Variants in PRPF40B observed in about 807,000 individuals in gnomAD.
The protein encoded by PRPF40B is pre-mRNA processing factor 40B.
Under a neutral mutation model 124.5 loss-of-function variants are expected in PRPF40B, and 56 were observed. The observed-to-expected ratio is 0.45, with a 90% CI of 0.36 to 0.56. The LOEUF (loss-of-function observed/expected upper bound fraction) is 0.56, where lower values mean the gene tolerates loss of function less well. Ranked by LOEUF, PRPF40B falls within the 20% of genes least tolerant of loss-of-function variation. The probability of loss-of-function intolerance (pLI) is 0.00; values close to 1 mark genes in which losing one functional copy is unlikely to be tolerated. For synonymous variants in PRPF40B, 443 were observed against 426.4 expected, an observed-to-expected ratio of 1.04 and a Z score of -0.48; for missense variants, 1,053 against 1,169.5, an observed-to-expected ratio of 0.90 and a Z score of 1.45.
intron 1 of PRPF40B, among the ~76,000 whole-genome samples, chr12:49,626,591 T>A (rs1940736531): frequency 6.6e-6 from 1 of 152,182 alleles, no homozygotes; most frequent in Non-Finnish European, 1.5e-5. Flanking sequence ...CTAACAATTC[T>A]GTGCAAAGAG....
chr12:49,632,651 C>CA lies in PRPF40B; in HGVS notation c.322+29dup, dbSNP rs1941336229. 2.5e-6 allele frequency: 4 copies of CA among 1,612,458 alleles called. No individual in the cohort carries two copies. The Admixed American group carries it at 6.7e-5, about 27-fold the overall frequency. ...GAGTCTTCTGGGGGCCTGCTCCCCC[C>CA]AGGCTCGGAGGTTGGGGGGCATAGG... On this transcript the variant is annotated intron_variant, in intron 5 of 25. Transcript: ENST00000548825.
chr12:49,637,659 C>T, intron 17 of PRPF40B, 74 bp from the exon 18 acceptor site: 4 of 1,554,724 alleles, frequency 2.6e-6, no homozygotes, highest in Non-Finnish European at 3.5e-6. Flanking sequence ...CTACTACCGG[C>T]TCCTGTCCTC....
Position 49,633,044 on chromosome 12 carries a change from G to A in PRPF40B, c.379G>A (p.Asp127Asn). 6.9e-7 allele frequency: 1 copy of A among 1,446,806 alleles called. No homozygotes were observed. Among genetic ancestry groups the A allele is most frequent in the South Asian group, 1.1e-5 (1 of 87,486 alleles). 89.6% of individuals were successfully genotyped at this position (1,446,806 alleles called of 1,614,324 possible). ...RALWSEHVAP[D>N]GRIYYYNADD... ...CCTATGGAGTGAGCATGTGGCCCCAGATGGGCGCATCTACTACTACAATGC... is the reference window on the plus strand; with the variant it reads ...CCTATGGAGTGAGCATGTGGCCCCAAATGGGCGCATCTACTACTACAATGC... Residue 127 changes from aspartate (D) to asparagine (N), a missense_variant, in exon 7 of 26, where the codon GAT (aspartate) becomes AAT (asparagine). Coordinates refer to ENST00000548825, the MANE Select transcript of PRPF40B (RefSeq NM_001031698.3).
At chr12:49,632,949 T>C in intron 6 of PRPF40B, 65 bp from the exon 7 acceptor site, 1 of 1,611,082 alleles carries the variant, frequency 6.2e-7, no homozygotes, top group Non-Finnish European at 8.5e-7. Flanking sequence ...GTTAAATCTT[T>C]GGGGTGAGGA....
At position 49,636,105 on chromosome 12, in the gene PRPF40B, T is replaced by G. The variant is rs1380023089; in HGVS notation, c.1426+112T>G. On this transcript the variant is annotated intron_variant, in intron 15 of 25. Transcript: ENST00000548825. ...GTACCTCCTGCCCTCCCGGACACCC[T>G]AGGAGTACTCAACACTCACCCAGTC... is the stretch of plus-strand genomic sequence containing the variant. 6.7e-6 allele frequency: 9 copies of G among 1,351,102 alleles called. No homozygotes were observed. In the African/African-American group the frequency reaches 1.0e-4, roughly 15 times the overall value. 83.7% of individuals were successfully genotyped at this position (1,351,102 alleles called of 1,614,324 possible).
intron 10 of PRPF40B, 74 bp from the exon 11 acceptor site, chr12:49,634,258 G>A: frequency 6.2e-7 from 1 of 1,609,164 alleles, no homozygotes; most frequent in East Asian, 2.2e-5. Context: ...GGGGTGATAT[G>A]TTGCCAGGAG....
At chr12:49,634,222 A>C in intron 10 of PRPF40B, 110 bp from the exon 11 acceptor site, 1 of 1,588,814 alleles carries the variant, frequency 6.3e-7, no homozygotes, top group Non-Finnish European at 8.6e-7. Flanking sequence ...GAAGGGCAGA[A>C]AAAGGCTGCC....
chr12:49,642,066 T>C lies in PRPF40B; in HGVS notation c.1884+42T>C. 6.2e-7 allele frequency: 1 copy of C among 1,606,222 alleles called. No homozygotes were observed. Among genetic ancestry groups the C allele is most frequent in the Non-Finnish European group, 8.5e-7 (1 of 1,175,868 alleles). On this transcript the variant is annotated intron_variant, in intron 19 of 25. Transcript: ENST00000548825. This position sits in a 1 kb window ranked among gnomAD's most constrained non-coding sequence, Gnocchi z 5.8. Reference sequence around the variant, plus strand: ...GGCGTGGGAAGTTCTCTAATTCATCTGTGTCTTGCTCCATTCCTTCTCACT... The same window carrying C: ...GGCGTGGGAAGTTCTCTAATTCATCCGTGTCTTGCTCCATTCCTTCTCACT...
chr12:49,632,249 C>T, intron 4 of PRPF40B: 1 of 578,128 alleles, frequency 1.7e-6, no homozygotes. Context: ...CCAGAAGAGT[C>T]AGTAGCACCT....
intron 1 of PRPF40B, among the ~76,000 whole-genome samples, chr12:49,625,292 A>C (rs1311127018): frequency 6.6e-6 from 1 of 152,238 alleles, no homozygotes; most frequent in African/African-American, 2.4e-5. Flanking sequence ...TTGGAGTCAG[A>C]CTGCTTGGAT....
At chr12:49,625,050 G>A (rs2138373056) in intron 1 of PRPF40B, among the ~76,000 whole-genome samples, 1 of 152,168 alleles carries the variant, frequency 6.6e-6, no homozygotes, top group African/African-American at 2.4e-5. Flanking sequence ...TTTTTTTGAT[G>A]ATGGCTACCA....
Position 49,642,810 on chromosome 12 carries a change from C to T in PRPF40B, c.2119-120C>T. On this transcript the variant is annotated intron_variant, in intron 21 of 25. Transcript: ENST00000548825. This position sits in a 1 kb window ranked among gnomAD's most constrained non-coding sequence, Gnocchi z 5.8. Reference sequence around the variant, plus strand: ...TAAGGAAGGGGAGGCCTGAGGATCCCTGGGATAGGCAGAAGGCTCTAGTCT... The same window carrying T: ...TAAGGAAGGGGAGGCCTGAGGATCCTTGGGATAGGCAGAAGGCTCTAGTCT... The T allele has an allele frequency of 1.4e-6, 2 of 1,428,802 alleles. No homozygotes were observed. The highest frequency in any genetic ancestry group is 1.4e-5 in the African/African-American group (1 of 70,370). 88.5% of individuals were successfully genotyped at this position (1,428,802 alleles called of 1,614,324 possible). A position where few individuals can be genotyped will look rare whatever the true frequency, so the allele number is the denominator to read the frequency against.
intron 1 of PRPF40B, chr12:49,623,815 G>GA: frequency 9.4e-7 from 1 of 1,061,046 alleles, no homozygotes; most frequent in South Asian, 4.6e-5. Flanking sequence ...GGCCGGGGGC[G>GA]AAAGGTGCGA....
At chr12:49,630,857 G>C (rs1018373255) in intron 2 of PRPF40B, among the ~76,000 whole-genome samples, 1 of 152,172 alleles carries the variant, frequency 6.6e-6, no homozygotes, top group East Asian at 1.9e-4. Context: ...ACACACTGGG[G>C]CTAGAGGTAG....
chr12:49,631,427 C>A lies in PRPF40B; in HGVS notation c.111C>A (p.Pro37=). The A allele has an allele frequency of 2.1e-6, 3 of 1,451,522 alleles. No individual in the cohort carries two copies. The highest frequency in any genetic ancestry group is 1.6e-5 in the South Asian group (1 of 64,310). The allele number at this position is 1,451,522 out of a possible 1,614,324, so 89.9% of individuals were successfully genotyped here. Residue 37 remains proline, a synonymous_variant, in exon 3 of 26, where the codon CCC becomes CCA. Transcript: ENST00000548825. This position sits in a 1 kb window ranked among gnomAD's most constrained non-coding sequence, Gnocchi z 4.3. ...PFMPPPGIPP[P]FPPMGLPPMS... ...TGCCCCCTCCAGGGATCCCCCCACC[C>A]TTTCCTCCGATGGGGCTACCCCCCA...
chr12:49,643,839 G>C (rs1395193925), intron 24 of PRPF40B, 22 bp from the exon 25 acceptor site: 1 of 1,614,034 alleles, frequency 6.2e-7, no homozygotes, highest in African/African-American at 1.3e-5. Flanking sequence ...GAACTGAGGA[G>C]GTGGGCTCTG....
At chr12:49,632,928 G>A (rs1941368493) in intron 6 of PRPF40B, 48 bp downstream of exon 6, 3 of 1,612,786 alleles carry the variant, frequency 1.9e-6, no homozygotes, top group Admixed American at 1.7e-5. Context: ...CCTGAGAGTG[G>A]GGGACTGATA....
chr12:49,625,899 G>A (rs1353181078), intron 1 of PRPF40B, among the ~76,000 whole-genome samples: 1 of 152,194 alleles, frequency 6.6e-6, no homozygotes, highest in Non-Finnish European at 1.5e-5. Context: ...AACACGGGAA[G>A]CTCAGCGAAG....
chr12:49,631,303 TG>T lies in PRPF40B; in HGVS notation c.85-94del. The T allele has an allele frequency of 1.1e-6, 1 of 878,498 alleles. No individual in the cohort carries two copies. Among genetic ancestry groups the T allele is most frequent in the Non-Finnish European group, 1.7e-6 (1 of 585,716 alleles). The allele number at this position is 878,498 out of a possible 1,614,324, so 54.4% of individuals were successfully genotyped here. A position where few individuals can be genotyped will look rare whatever the true frequency, so the allele number is the denominator to read the frequency against. ...ATTGCCTCAGAGCAGGGTGGAGGGT[TG>T]GGGAGGGAGGTGGTGGATATTTCCT... On this transcript the variant is annotated intron_variant, in intron 2 of 25. Transcript: ENST00000548825. This position sits in a 1 kb window ranked among gnomAD's most constrained non-coding sequence, Gnocchi z 4.3.
Sources: allele counts gnomAD v4.1 joint callset (sites outside exome capture counted in the v4.1 genomes callset), GRCh38; gene constraint gnomAD v4.1.1; non-coding constraint Gnocchi (gnomAD v3.1); transcripts MANE v1.5; gene names NCBI Gene and HGNC (gene_info 2026-07-23, HGNC 2026-07-21).